The following CERKL variants were observed in gnomAD, a reference collection of about 807,000 sequenced individuals.
CERKL encodes the protein CERK like autophagy regulator.
CERKL carries 61 observed loss-of-function variants against 63.4 expected under a neutral mutation model. The observed-to-expected ratio is 0.96, with a 90% confidence interval of 0.78 to 1.19. The LOEUF (loss-of-function observed/expected upper bound fraction) is 1.19, where lower values mean the gene tolerates loss of function less well. Ranked by LOEUF, CERKL falls within the 50% of genes most tolerant of loss-of-function variation. The pLI is 0.00. For synonymous variants in CERKL, 250 were observed against 230.5 expected (o/e 1.08, Z -0.77); for missense variants, 675 against 655.5 (o/e 1.03, Z -0.33).
intron 1 of CERKL, among the ~76,000 whole-genome samples, chr2:181,636,116 A>AAGAAG (rs769990098): frequency 1.3e-5 from 2 of 152,110 alleles, no homozygotes; most frequent in Non-Finnish European, 2.9e-5. Context: ...TTTTCAAGCT[A>AAGAAG]CTTCCCTTCT....
At chr2:181,592,455 A>G (rs1685027113) in intron 2 of CERKL, among the ~76,000 whole-genome samples, 1 of 152,178 alleles carries the variant, frequency 6.6e-6, no homozygotes, top group South Asian at 2.1e-4. Context: ...TATTAACTAT[A>G]AAATATTTTA....
intron 2 of CERKL, among the ~76,000 whole-genome samples, chr2:181,578,816 A>T (rs1408331615): frequency 1.3e-5 from 2 of 151,992 alleles, no homozygotes; most frequent in African/African-American, 4.8e-5. Context: ...TGTATGGATG[A>T]GTCCTTGAGG....
At chr2:181,590,943 G>A (rs1419429570) in intron 2 of CERKL, among the ~76,000 whole-genome samples, 4 of 152,098 alleles carry the variant, frequency 2.6e-5, no homozygotes, top group African/African-American at 4.8e-5. Context: ...ACCAAGGTAC[G>A]ATATGCACAA....
At chr2:181,619,326 C>T (rs1442225974) in intron 1 of CERKL, among the ~76,000 whole-genome samples, 2 of 146,408 alleles carry the variant, frequency 1.4e-5, no homozygotes, top group Non-Finnish European at 3.0e-5. Flanking sequence ...AAAACCTAGT[C>T]TTTTTTTTTT....
At chr2:181,653,281 G>T (rs960867225) in intron 1 of CERKL, among the ~76,000 whole-genome samples, 2 of 152,208 alleles carry the variant, frequency 1.3e-5, no homozygotes, top group African/African-American at 4.8e-5. Flanking sequence ...CAGATATGGA[G>T]AAAAGGGAAC....
chr2:181,546,744 C>T (rs188012700), intron 10 of CERKL, among the ~76,000 whole-genome samples: 88 of 151,718 alleles, frequency 5.8e-4, no homozygotes, highest in Admixed American at 1.4e-3. Context: ...TGTCTATATC[C>T]CATGGATAAA....
At position 181,604,066 on chromosome 2, in the gene CERKL, A is replaced by G; in HGVS notation, c.252T>C (p.Tyr84=). 6.3e-7 allele frequency: 1 copy of G among 1,599,618 alleles called. No homozygotes were observed. Among genetic ancestry groups the G allele is most frequent in the Non-Finnish European group, 8.6e-7 (1 of 1,168,166 alleles). ...TAAATTCTTCTTTACATAGCAAGTCATACTTAGAATCACCTGAAAAAAAAA... is the reference window on the plus strand; with the variant it reads ...TAAATTCTTCTTTACATAGCAAGTCGTACTTAGAATCACCTGAAAAAAAAA... ...QPERPAGDSK[Y]DLLCKEEFIE... Residue 84 remains tyrosine, a synonymous_variant, in exon 2 of 13, where the codon TAT becomes TAC. Transcript: ENST00000410087.
chr2:181,601,790 CATT>C (rs1685469810), intron 2 of CERKL, among the ~76,000 whole-genome samples: 1 of 152,136 alleles, frequency 6.6e-6, no homozygotes, highest in South Asian at 2.1e-4. Context: ...TCTTCACTCT[CATT>C]AGAGGATTTT....
At chr2:181,652,531 G>A (rs577712308) in intron 1 of CERKL, among the ~76,000 whole-genome samples, 1 of 152,174 alleles carries the variant, frequency 6.6e-6, no homozygotes, top group South Asian at 2.1e-4. Flanking sequence ...TGAAAACTAT[G>A]AAATTACAAG....
intron 5 of CERKL, among the ~76,000 whole-genome samples, chr2:181,551,501 G>A (rs1687985999): frequency 6.6e-6 from 1 of 151,836 alleles, no homozygotes; most frequent in South Asian, 2.1e-4. Flanking sequence ...GTGGGCAAAG[G>A]ATACGAACAG....
intron 2 of CERKL, among the ~76,000 whole-genome samples, chr2:181,574,327 G>A (rs1162019035): frequency 6.6e-6 from 1 of 152,160 alleles, no homozygotes; most frequent in Non-Finnish European, 1.5e-5. Context: ...GTGACCCCAG[G>A]GCTACCAACG....
rs948682288 is a variant in CERKL at position 181,642,382 on chromosome 2, GCTCTA to G, written c.238+14382_238+14386del. On this transcript the variant is annotated intron_variant, in intron 1 of 12. Coordinates refer to ENST00000410087, the MANE Select transcript of CERKL (RefSeq NM_201548.5). The stretch of plus-strand genomic sequence containing the variant: ...CAGATTAATACTTAGAATATACTTT[GCTCTA>G]CTAAGTCTCACGTAATCACCAACTC... 2.0e-5 allele frequency among the ~76,000 whole-genome samples: 3 copies of G among 152,216 alleles called. No homozygotes were observed. In the East Asian group the frequency reaches 5.8e-4, roughly 29 times the overall value.
intron 1 of CERKL, among the ~76,000 whole-genome samples, chr2:181,613,210 A>G (rs764756297): frequency 5.3e-5 from 8 of 152,140 alleles, no homozygotes; most frequent in Non-Finnish European, 7.3e-5. Context: ...CTCTGCTTCT[A>G]TAAGTTTGAC....
At chr2:181,610,634 A>G (rs1416403969) in intron 1 of CERKL, among the ~76,000 whole-genome samples, 1 of 152,234 alleles carries the variant, frequency 6.6e-6, no homozygotes, top group African/African-American at 2.4e-5. Flanking sequence ...AAAGCAAGTT[A>G]CAAAGTAATC....
At chr2:181,539,049 A>ATGTT in intron 12 of CERKL, 43 bp downstream of exon 12, 1 of 1,264,874 alleles carries the variant, frequency 7.9e-7, no homozygotes, top group Non-Finnish European at 1.1e-6. Flanking sequence ...TATTAGATTT[A>ATGTT]TGTTTACTGG....
chr2:181,581,573 A>G (rs1230705860), intron 2 of CERKL, among the ~76,000 whole-genome samples: 2 of 152,230 alleles, frequency 1.3e-5, no homozygotes, highest in African/African-American at 2.4e-5. Flanking sequence ...CATATTATTG[A>G]ATAAGGCTTT....
intron 1 of CERKL, among the ~76,000 whole-genome samples, chr2:181,604,987 G>C (rs767634622): frequency 3.6e-4 from 55 of 152,222 alleles, no homozygotes; most frequent in Middle Eastern, 3.4e-3. Context: ...CTTAAAAAAA[G>C]ACTTCCAAAA....
intron 2 of CERKL, among the ~76,000 whole-genome samples, chr2:181,589,238 G>T (rs982428495): frequency 6.6e-6 from 1 of 152,154 alleles, no homozygotes; most frequent in Non-Finnish European, 1.5e-5. Flanking sequence ...CTGCCCATTT[G>T]CCCAATTGTA....
rs149610291 is a variant in CERKL, at chr2:181,646,526, T to C, written c.238+10243A>G. The stretch of plus-strand genomic sequence containing the variant: ...TTGCTTTTCTTGTAAACTTACTAAA[T>C]ATATGGCACTTCTGGAGGTAGATGA... On this transcript the variant is annotated intron_variant, in intron 1 of 12. Coordinates refer to ENST00000410087, the MANE Select transcript of CERKL (RefSeq NM_201548.5). 3.0e-3 allele frequency among the ~76,000 whole-genome samples: 451 copies of C among 152,326 alleles called. 1 individual carries two copies. Among genetic ancestry groups the C allele is most frequent in the Middle Eastern group, 0.017 (5 of 294 alleles).
Sources: gnomAD v4.1 joint callset for allele counts (sites outside exome capture counted in the v4.1 genomes callset) on GRCh38, gnomAD v4.1.1 for gene constraint, MANE v1.5 for transcripts, NCBI Gene and HGNC (gene_info 2026-07-23, HGNC 2026-07-21) for gene names.